The following CNTLN variants were observed in gnomAD, a reference collection of about 807,000 sequenced individuals.
CNTLN encodes centlein, also known as centlein, centrosomal protein.
CNTLN carries 212 observed loss-of-function variants against 180.0 expected under a neutral mutation model. The ratio of observed to expected loss-of-function variants is 1.18; its 90% CI spans 1.05 to 1.32. The LOEUF is 1.32. Among genes scored for constraint, CNTLN ranks in the 40% most tolerant of loss-of-function variants. The pLI is 0.00. For synonymous variants in CNTLN, 722 were observed against 563.1 expected, an observed-to-expected ratio of 1.28 and a Z score of -3.99; for missense variants, 2,095 against 1,610.9, an observed-to-expected ratio of 1.30 and a Z score of -5.14.
intron 12 of CNTLN, among the ~76,000 whole-genome samples, chr9:17,344,307 T>A (rs772382746): frequency 1.3e-5 from 2 of 152,176 alleles, no homozygotes; most frequent in Non-Finnish European, 2.9e-5. Flanking sequence ...AGTGTGGAAT[T>A]TTTCCCTGAA....
In CNTLN at chr9:17,207,427, G is replaced by A. The variant is rs570071760; in HGVS notation, c.450-18776G>A. Reference sequence around the variant, plus strand: ...TGAAAAAAACTCCTGCAGCTAGCTCGGTGTCTGCCCAAAGAGCAGCTCAGC... The same window carrying A: ...TGAAAAAAACTCCTGCAGCTAGCTCAGTGTCTGCCCAAAGAGCAGCTCAGC... On this transcript the variant is annotated intron_variant, in intron 2 of 25. Transcript: ENST00000380647. 2.4e-4 allele frequency among the ~76,000 whole-genome samples: 36 copies of A among 152,196 alleles called. 1 individual carries two copies. The East Asian group carries it at 6.2e-3, about 26-fold the overall frequency.
chr9:17,457,030 T>C (rs750199338), intron 18 of CNTLN, among the ~76,000 whole-genome samples: 6 of 152,136 alleles, frequency 3.9e-5, no homozygotes, highest in Non-Finnish European at 8.8e-5. Flanking sequence ...TTGAACTAAA[T>C]CTCTAACAAG....
chr9:17,420,260 C>T lies in CNTLN; in HGVS notation c.3114+4071C>T, dbSNP rs114428320. Among the ~76,000 whole-genome samples the T allele has an allele frequency of 7.1e-3, 1,084 of 152,168 alleles. 11 individuals are homozygous for T. Among genetic ancestry groups the T allele is most frequent in the African/African-American group, 0.024 (1,006 of 41,522 alleles). On this transcript the variant is annotated intron_variant, in intron 18 of 25. Coordinates refer to ENST00000380647, the MANE Select transcript of CNTLN (RefSeq NM_017738.4). ...TTTTGTTACTTGCTATTGGTCTGTG[C>T]AGGTTTTGGATTTCTTCATGGTTCA...
chr9:17,254,448 A>G (rs1587351946), intron 5 of CNTLN, among the ~76,000 whole-genome samples: 2 of 147,678 alleles, frequency 1.4e-5, no homozygotes, highest in South Asian at 2.1e-4. Flanking sequence ...TTGGTCTTTA[A>G]TCCATTTGGA....
At chr9:17,326,929 C>T (rs1020976239) in intron 8 of CNTLN, among the ~76,000 whole-genome samples, 4 of 151,960 alleles carry the variant, frequency 2.6e-5, no homozygotes, top group Non-Finnish European at 5.9e-5. Flanking sequence ...TAGATGGGAT[C>T]CTGAAACAGA....
intron 2 of CNTLN, among the ~76,000 whole-genome samples, chr9:17,153,862 T>C (rs978137384): frequency 2.0e-5 from 3 of 152,176 alleles, no homozygotes; most frequent in African/African-American, 7.2e-5. Context: ...CTTTTTATTC[T>C]TTTTTCTCTA....
intron 6 of CNTLN, among the ~76,000 whole-genome samples, chr9:17,274,294 T>C (rs574762400): frequency 1.3e-5 from 2 of 148,252 alleles, no homozygotes; most frequent in Admixed American, 1.3e-4. Flanking sequence ...TGTAATACTA[T>C]TCATAAAGTT....
rs56275925 is a variant in CNTLN at position 17,143,540 on chromosome 9, A to G, written c.449+164A>G. Among the ~76,000 whole-genome samples, 488 of 152,366 alleles carry G rather than the reference A, an allele frequency of 3.2e-3. 4 individuals carry two copies. Among genetic ancestry groups the G allele is most frequent in the Non-Finnish European group, 3.2e-3 (215 of 68,036 alleles). On this transcript the variant is annotated intron_variant, in intron 2 of 25. Coordinates refer to ENST00000380647, the MANE Select transcript of CNTLN (RefSeq NM_017738.4). Reference sequence around the variant, plus strand: ...TGTTGGATTTATTATGAAGGGTGCCAGTTCACCAAGTACAGGTATGCCCTG... The same window carrying G: ...TGTTGGATTTATTATGAAGGGTGCCGGTTCACCAAGTACAGGTATGCCCTG...
At chr9:17,491,896 A>T (rs1482524732) in intron 25 of CNTLN, among the ~76,000 whole-genome samples, 2 of 141,112 alleles carry the variant, frequency 1.4e-5, no homozygotes, top group Non-Finnish European at 2.9e-5. Flanking sequence ...GCTTTTGTAA[A>T]TAGAATATAC....
intron 6 of CNTLN, among the ~76,000 whole-genome samples, chr9:17,289,912 A>C (rs895153505): frequency 2.1e-5 from 3 of 142,588 alleles, no homozygotes; most frequent in Non-Finnish European, 3.0e-5. Flanking sequence ...ACATTCTTCT[A>C]AATTTTTTTC....
rs559341578 is a variant in CNTLN at position 17,257,451 on chromosome 9, C to G, written c.850-16282C>G. Among the ~76,000 whole-genome samples the G allele has an allele frequency of 1.1e-3, 165 of 152,108 alleles. 5 individuals carry two copies. In the South Asian group the frequency reaches 0.033, roughly 30 times the overall value. Reference sequence around the variant, plus strand: ...GCAGTAAACATAGGTGTGCATGTGTCTTTATAGCAGCATGATTTATAGTCC... The same window carrying G: ...GCAGTAAACATAGGTGTGCATGTGTGTTTATAGCAGCATGATTTATAGTCC... On this transcript the variant is annotated intron_variant, in intron 5 of 25. Transcript: ENST00000380647.
intron 2 of CNTLN, among the ~76,000 whole-genome samples, chr9:17,219,785 T>C (rs1824009822): frequency 6.6e-6 from 1 of 152,086 alleles, no homozygotes; most frequent in African/African-American, 2.4e-5. Context: ...TTTATTCTCA[T>C]GGTTCCAGGA....
At chr9:17,516,867 G>A in the CNTLN span, among the ~76,000 whole-genome samples, 72 of 152,272 alleles carry the variant, frequency 4.7e-4, 1 homozygote, top group East Asian at 0.013. Flanking sequence ...TGTTGTTATA[G>A]ATGTAATCCT....
intron 2 of CNTLN, among the ~76,000 whole-genome samples, chr9:17,190,962 C>T (rs74585835): frequency 0.02 from 3,045 of 152,170 alleles, 99 homozygotes; most frequent in African/African-American, 0.07. Context: ...CTCAGGGATT[C>T]CTAAATGTTT....
chr9:17,144,725 G>A (rs1818327882), intron 2 of CNTLN, among the ~76,000 whole-genome samples: 1 of 151,490 alleles, frequency 6.6e-6, no homozygotes, highest in African/African-American at 2.4e-5. Flanking sequence ...TTGTTGATAA[G>A]GTGTAATGAG....
At chr9:17,472,429 C>G (rs138002011) in intron 23 of CNTLN, among the ~76,000 whole-genome samples, 1,736 of 152,250 alleles carry the variant, frequency 0.011, 11 homozygotes, top group Non-Finnish European at 0.018. Context: ...CAACACAATT[C>G]TGTTATGACT....
At chr9:17,264,543 A>G (rs1438260244) in intron 5 of CNTLN, among the ~76,000 whole-genome samples, 1 of 151,230 alleles carries the variant, frequency 6.6e-6, no homozygotes, top group African/African-American at 2.4e-5. Context: ...TTTTGGTTCC[A>G]TATGAACTTT....
chr9:17,274,460 T>C (rs1171216621), intron 6 of CNTLN, among the ~76,000 whole-genome samples: 1 of 102,838 alleles, frequency 9.7e-6, no homozygotes, highest in African/African-American at 3.9e-5. Context: ...TCAATATCTA[T>C]CTATCTATCT....
Position 17,236,578 on chromosome 9 carries a change from C to G in CNTLN, c.839C>G (p.Ala280Gly), listed in dbSNP as rs1336010090. 6.2e-7 allele frequency: 1 copy of G among 1,603,528 alleles called. No individual in the cohort carries two copies. Among genetic ancestry groups the G allele is most frequent in the Non-Finnish European group, 8.5e-7 (1 of 1,176,326 alleles). Residue 280 changes from alanine to glycine, a missense_variant, in exon 5 of 26, where the codon GCA (alanine) becomes GGA (glycine). By Grantham distance (60) the Ala-to-Gly change is moderately conservative. Transcript: ENST00000380647. ...HLRKEKYSTD[A>G]KIKTFEDNLI... ...AGAAAAGAAAAATATAGCACTGATG[C>G]AAAAATAAAGGTATACAATAGGAAT... is the stretch of plus-strand genomic sequence containing the variant.
Sources: allele counts gnomAD v4.1 joint callset (sites outside exome capture counted in the v4.1 genomes callset), GRCh38; gene constraint gnomAD v4.1.1; transcripts MANE v1.5; gene names NCBI Gene and HGNC (gene_info 2026-07-23, HGNC 2026-07-21).